STPG2: variants seen among roughly 807,000 people sequenced by gnomAD.
The protein encoded by STPG2 is sperm tail PG-rich repeat containing 2, also known as sperm-tail PG-rich repeat-containing protein 2.
STPG2 carries 56 observed loss-of-function variants against 54.2 expected under a neutral mutation model. The observed-to-expected ratio is 1.03, with a 90% CI of 0.83 to 1.29. The LOEUF (loss-of-function observed/expected upper bound fraction) is 1.29. Among genes scored for constraint, STPG2 ranks in the 50% most tolerant of loss-of-function variants. The pLI is 0.00. For synonymous variants in STPG2, 200 were observed against 181.8 expected, an observed-to-expected ratio of 1.10 and a Z score of -0.81; for missense variants, 596 against 544.9, an observed-to-expected ratio of 1.09 and a Z score of -0.93.
chr4:97,575,276 C>T (rs1732696232), intron 10 of STPG2, among the ~76,000 whole-genome samples: 2 of 151,934 alleles, frequency 1.3e-5, no homozygotes, highest in South Asian at 2.1e-4. Flanking sequence ...ATGATTCCTC[C>T]CCAACTCATT....
intron 8 of STPG2, among the ~76,000 whole-genome samples, chr4:97,904,125 G>A (rs1010933717): frequency 1.9e-4 from 29 of 152,236 alleles, no homozygotes; most frequent in Non-Finnish European, 3.4e-4. Flanking sequence ...GCCTGCCTCT[G>A]TAGGCTCCAC....
intron 8 of STPG2, among the ~76,000 whole-genome samples, chr4:97,904,246 G>C (rs1731305714): frequency 6.6e-6 from 1 of 152,186 alleles, no homozygotes; most frequent in Admixed American, 6.5e-5. Flanking sequence ...CACACAGCTG[G>C]AGATCTGAGA....
intron 4 of STPG2, among the ~76,000 whole-genome samples, chr4:97,482,019 C>G (rs1043983202): frequency 3.3e-5 from 5 of 151,432 alleles, no homozygotes; most frequent in Non-Finnish European, 5.9e-5. Context: ...GTCTTTCTAT[C>G]TCTAGTTGGC....
intron 4 of STPG2, among the ~76,000 whole-genome samples, chr4:97,550,656 T>C (rs1414663429): frequency 2.0e-5 from 3 of 152,216 alleles, no homozygotes; most frequent in Non-Finnish European, 4.4e-5. Flanking sequence ...ACTTCAAGAA[T>C]GAAGCTGCGG....
chr4:98,055,577 T>G (rs1346915884), intron 5 of STPG2, among the ~76,000 whole-genome samples: 1 of 152,114 alleles, frequency 6.6e-6, no homozygotes, highest in Non-Finnish European at 1.5e-5. Context: ...TCAACTACTA[T>G]GGACACTTGA....
At chr4:97,961,983 T>C (rs1733906123) in intron 7 of STPG2, among the ~76,000 whole-genome samples, 1 of 152,136 alleles carries the variant, frequency 6.6e-6, no homozygotes, top group Non-Finnish European at 1.5e-5. Flanking sequence ...AATGAGTGGA[T>C]AAAGAAACTG....
At chr4:97,941,148 C>A (rs913325678) in intron 8 of STPG2, among the ~76,000 whole-genome samples, 5 of 151,948 alleles carry the variant, frequency 3.3e-5, no homozygotes, top group Non-Finnish European at 7.4e-5. Context: ...CCTTGAAATG[C>A]GGCTAATGTT....
At chr4:97,993,233 C>T (rs1156730206) in intron 5 of STPG2, among the ~76,000 whole-genome samples, 1 of 152,066 alleles carries the variant, frequency 6.6e-6, no homozygotes, top group East Asian at 1.9e-4. Context: ...TCATAGATGA[C>T]TTTTATTACC....
intron 7 of STPG2, among the ~76,000 whole-genome samples, chr4:97,963,187 A>AC (rs70953097): frequency 3.3e-5 from 5 of 151,146 alleles, no homozygotes; most frequent in Admixed American, 6.6e-5. Context: ...AAACAAACAA[A>AC]AAAACAATAA....
chr4:97,508,807 T>C (rs1467675262), intron 4 of STPG2, among the ~76,000 whole-genome samples: 2 of 152,074 alleles, frequency 1.3e-5, no homozygotes, highest in Non-Finnish European at 2.9e-5. Flanking sequence ...TTAAAAATAA[T>C]CAGCACAGAA....
chr4:97,998,959 C>T (rs1337104117), intron 5 of STPG2, among the ~76,000 whole-genome samples: 7 of 152,090 alleles, frequency 4.6e-5, no homozygotes, highest in African/African-American at 7.2e-5. Context: ...TGAAACCCTA[C>T]GGTCTTTGAC....
chr4:97,988,165 T>C (rs1473091633), intron 5 of STPG2, among the ~76,000 whole-genome samples: 1 of 152,076 alleles, frequency 6.6e-6, no homozygotes, highest in African/African-American at 2.4e-5. Flanking sequence ...CTTCACGACC[T>C]TGGCATTTGG....
At chr4:97,472,006 C>T (rs941056728) in intron 4 of STPG2, among the ~76,000 whole-genome samples, 10 of 152,106 alleles carry the variant, frequency 6.6e-5, no homozygotes, top group African/African-American at 2.2e-4. Context: ...TATTTGAGAA[C>T]ATTTATGTGC....
intron 4 of STPG2, among the ~76,000 whole-genome samples, chr4:97,532,845 A>G (rs867210271): frequency 6.6e-6 from 1 of 152,186 alleles, no homozygotes. Context: ...ACACAGTTCA[A>G]CAATGGTTGA....
At chr4:97,993,790 T>C (rs1735101080) in intron 5 of STPG2, among the ~76,000 whole-genome samples, 1 of 152,152 alleles carries the variant, frequency 6.6e-6, no homozygotes, top group South Asian at 2.1e-4. Context: ...TCAGAGTTTC[T>C]CTTTCTTCCT....
rs10708905 is a variant in STPG2, at chr4:97,614,298, A to AT, written c.1321-55182dup. On this transcript the variant is annotated intron_variant, in intron 10 of 10. Coordinates refer to ENST00000295268, the MANE Select transcript of STPG2 (RefSeq NM_174952.3). ...AGAAAAATATGTGCCCTCTAAAGAG[A>AT]TTTTTTTTTTTTTTAAGATTAGGAA... 8.4e-3 allele frequency among the ~76,000 whole-genome samples: 1,248 copies of AT among 148,526 alleles called. 19 individuals carry two copies. Among genetic ancestry groups the AT allele is most frequent in the Admixed American group, 0.015 (216 of 14,858 alleles).
intron 4 of STPG2, among the ~76,000 whole-genome samples, chr4:97,466,244 A>C (rs1729785996): frequency 6.6e-6 from 1 of 152,056 alleles, no homozygotes; most frequent in Admixed American, 6.6e-5. Flanking sequence ...CTGAGATAGA[A>C]ATTTTTGTGT....
chr4:98,042,524 A>G (rs779863007), intron 5 of STPG2, among the ~76,000 whole-genome samples: 1 of 151,602 alleles, frequency 6.6e-6, no homozygotes, highest in Non-Finnish European at 1.5e-5. Flanking sequence ...TTGTGTCCCC[A>G]TTTTTATTCA....
intron 5 of STPG2, among the ~76,000 whole-genome samples, chr4:98,072,304 A>C (rs1169148002): frequency 6.6e-6 from 1 of 152,188 alleles, no homozygotes; most frequent in East Asian, 1.9e-4. Context: ...AAACTAACAC[A>C]AGAACAGAAT....
Sources: allele counts gnomAD v4.1 joint callset (sites outside exome capture counted in the v4.1 genomes callset), GRCh38; gene constraint gnomAD v4.1.1; transcripts MANE v1.5; gene names NCBI Gene and HGNC (gene_info 2026-07-23, HGNC 2026-07-21).